FAM117B: variants seen among roughly 807,000 people sequenced by gnomAD.
The protein encoded by FAM117B is protein FAM117B.
In FAM117B, 22 loss-of-function variants were observed where a neutral mutation model predicts 52.8. That is an observed-to-expected ratio of 0.42 (90% CI 0.30 to 0.59). The LOEUF (loss-of-function observed/expected upper bound fraction) is 0.59, where lower values mean the gene tolerates loss of function less well. Ranked by LOEUF, FAM117B falls within the 20% of genes least tolerant of loss-of-function variation. The probability of loss-of-function intolerance (pLI) is 0.22; values close to 1 mark genes in which losing one functional copy is unlikely to be tolerated. For missense variants in FAM117B, 678 were observed against 802.6 expected (o/e 0.84, Z 1.88); for synonymous variants, 309 against 324.1 (o/e 0.95, Z 0.50).
At chr2:202,650,340 T>G (rs1228862560) in intron 1 of FAM117B, among the ~76,000 whole-genome samples, 1 of 152,200 alleles carries the variant, frequency 6.6e-6, no homozygotes, top group Admixed American at 6.6e-5. Context: ...TTAACTTGTT[T>G]CATAAATGCT....
intron 1 of FAM117B, among the ~76,000 whole-genome samples, chr2:202,675,741 C>T (rs114556772): frequency 0.11 from 16,090 of 151,856 alleles, 2,861 homozygotes; most frequent in African/African-American, 0.37. Context: ...TCCTAGAATT[C>T]TGGGAGGCCG....
At chr2:202,711,331 T>C (rs1038197146) in intron 2 of FAM117B, among the ~76,000 whole-genome samples, 1 of 152,212 alleles carries the variant, frequency 6.6e-6, no homozygotes, top group African/African-American at 2.4e-5. Flanking sequence ...CTTTTACATA[T>C]ACCTGTTTGT....
chr2:202,756,303 C>T (rs1328227250), intron 5 of FAM117B, among the ~76,000 whole-genome samples: 1 of 151,812 alleles, frequency 6.6e-6, no homozygotes, highest in Non-Finnish European at 1.5e-5. Flanking sequence ...CCTGTAATCC[C>T]AGCTACTTGG....
At chr2:202,717,218 T>A (rs1434509273) in intron 2 of FAM117B, among the ~76,000 whole-genome samples, 1 of 152,190 alleles carries the variant, frequency 6.6e-6, no homozygotes, top group East Asian at 1.9e-4. Context: ...CCTTTAACTC[T>A]CCAGCACTTT....
chr2:202,685,785 A>G (rs1272288361), intron 1 of FAM117B, among the ~76,000 whole-genome samples: 1 of 152,208 alleles, frequency 6.6e-6, no homozygotes, highest in East Asian at 1.9e-4. Flanking sequence ...GTGAACTCCA[A>G]ATGGATGAAA....
chr2:202,666,791 G>A (rs1006901782), intron 1 of FAM117B, among the ~76,000 whole-genome samples: 1 of 145,424 alleles, frequency 6.9e-6, no homozygotes, highest in Non-Finnish European at 1.5e-5. Context: ...GCCTCAGCCC[G>A]CTGAGTAGCT....
At position 202,635,673 on chromosome 2, in the gene FAM117B, C is replaced by T. The variant is rs1689672407; in HGVS notation, c.486C>T (p.Thr162=). ...GCTCGTCGCCCACCCACCTGTGGAC[C>T]GGCGAGGTGAGCGCGGCCCCACCCC... ...SPSSSPTHLW[T]GEVSAAPPPA... The change falls in exon 1 of 8, where the codon ACC becomes ACT. Residue 162 remains threonine, a synonymous_variant. Coordinates refer to ENST00000392238, the MANE Select transcript of FAM117B (RefSeq NM_173511.4). 1 of 1,394,396 alleles carries T rather than the reference C, an allele frequency of 7.2e-7. No homozygotes were observed. The highest frequency in any genetic ancestry group is 1.5e-5 in the South Asian group (1 of 66,168). 86.4% of individuals were successfully genotyped at this position (1,394,396 alleles called of 1,614,324 possible).
At chr2:202,648,627 C>G (rs1689907808) in intron 1 of FAM117B, among the ~76,000 whole-genome samples, 1 of 150,620 alleles carries the variant, frequency 6.6e-6, no homozygotes, top group Non-Finnish European at 1.5e-5. Context: ...ATTATTTCAT[C>G]AGGCTTTTAT....
In FAM117B at chr2:202,766,029, C is replaced by A; in HGVS notation, c.*265C>A. 2.3e-6 allele frequency: 1 copy of A among 430,774 alleles called. No individual in the cohort carries two copies. The highest frequency in any genetic ancestry group is 4.2e-6 in the Non-Finnish European group (1 of 238,186). 26.7% of individuals were successfully genotyped at this position (430,774 alleles called of 1,614,324 possible). A position where few individuals can be genotyped will look rare whatever the true frequency, so the allele number is the denominator to read the frequency against. On this transcript the variant is annotated 3_prime_UTR_variant, in exon 8 of 8. Transcript: ENST00000392238. The stretch of plus-strand genomic sequence containing the variant: ...TTCTTTACCTTTGGAGAGACAATAT[C>A]ACGTTTTTGTTTTCGAATTAGACTT...
intron 1 of FAM117B, among the ~76,000 whole-genome samples, chr2:202,687,902 T>C (rs1201078590): frequency 6.6e-6 from 1 of 152,220 alleles, no homozygotes; most frequent in African/African-American, 2.4e-5. Context: ...TATCAATATT[T>C]GGTTATGGTA....
chr2:202,767,908 T>G lies in FAM117B; in HGVS notation c.*2144T>G, dbSNP rs564675521. ...CTAGTACGTTATGGCTTCTCAGTCA[T>G]GAAAAGCTCAGTTATTTGGGGTCTA... On this transcript the variant is annotated 3_prime_UTR_variant, in exon 8 of 8. Coordinates refer to ENST00000392238, the MANE Select transcript of FAM117B (RefSeq NM_173511.4). The G allele has an allele frequency of 1.3e-5, 2 of 152,184 alleles. No individual in the cohort carries two copies. Among genetic ancestry groups the G allele is most frequent in the African/African-American group, 4.8e-5 (2 of 41,440 alleles). The allele number at this position is 152,184 out of a possible 1,614,324, so 9.4% of individuals were successfully genotyped here.
At chr2:202,677,063 CTT>C (rs545082900) in intron 1 of FAM117B, among the ~76,000 whole-genome samples, 7 of 140,638 alleles carry the variant, frequency 5.0e-5, no homozygotes, top group Admixed American at 7.1e-5. Flanking sequence ...GGTTTCTTTT[CTT>C]TTTTTTTTTT....
intron 4 of FAM117B, among the ~76,000 whole-genome samples, chr2:202,745,891 A>G (rs1228040287): frequency 4.6e-5 from 7 of 152,244 alleles, no homozygotes; most frequent in South Asian, 2.1e-4. Flanking sequence ...ATTCAGCAAG[A>G]GGATATAACA....
intron 2 of FAM117B, among the ~76,000 whole-genome samples, chr2:202,699,596 T>C (rs1690767966): frequency 6.6e-6 from 1 of 152,172 alleles, no homozygotes; most frequent in African/African-American, 2.4e-5. Flanking sequence ...CAAGTGAATT[T>C]AGCAGTAACA....
At chr2:202,642,344 A>AATATATATAT (rs59347439) in intron 1 of FAM117B, among the ~76,000 whole-genome samples, 8,000 of 142,368 alleles carry the variant, frequency 0.056, 527 homozygotes, top group African/African-American at 0.16. Flanking sequence ...GAATAAATAG[A>AATATATATAT]ATATATATAT....
chr2:202,716,731 G>A (rs560440497), intron 2 of FAM117B, among the ~76,000 whole-genome samples: 23 of 151,988 alleles, frequency 1.5e-4, no homozygotes, highest in African/African-American at 5.5e-4. Flanking sequence ...TCTCTTCTGA[G>A]TCTGTGTTTT....
chr2:202,752,213 C>T (rs907028244), intron 4 of FAM117B, among the ~76,000 whole-genome samples: 1 of 152,152 alleles, frequency 6.6e-6, no homozygotes, highest in Non-Finnish European at 1.5e-5. Context: ...AGACGCCAGG[C>T]ACCATACCAG....
At chr2:202,650,450 T>G (rs577994509) in intron 1 of FAM117B, among the ~76,000 whole-genome samples, 1 of 152,256 alleles carries the variant, frequency 6.6e-6, no homozygotes, top group Admixed American at 6.5e-5. Flanking sequence ...ATGGAAAATT[T>G]GGACGATAAA....
intron 1 of FAM117B, among the ~76,000 whole-genome samples, chr2:202,668,620 T>TAAATA (rs574629102): frequency 2.7e-5 from 4 of 146,954 alleles, no homozygotes; most frequent in African/African-American, 7.4e-5. Flanking sequence ...ATCTTGTTCC[T>TAAATA]AATAAATAAA....
Sources: allele counts gnomAD v4.1 joint callset (sites outside exome capture counted in the v4.1 genomes callset), GRCh38; gene constraint gnomAD v4.1.1; transcripts MANE v1.5; gene names NCBI Gene and HGNC (gene_info 2026-07-23, HGNC 2026-07-21).